FBXW7: variants seen among roughly 807,000 people sequenced by gnomAD.
FBXW7 encodes F-box and WD repeat domain containing 7, also known as F-box/WD repeat-containing protein 7.
Under a neutral mutation model 86.3 loss-of-function variants are expected in FBXW7, and 11 were observed. The ratio of observed to expected loss-of-function variants is 0.13; its 90% CI spans 0.08 to 0.21. FBXW7 has a LOEUF of 0.21. Among genes scored for constraint, FBXW7 ranks in the 10% least tolerant of loss-of-function variants. The pLI is 1.00. For synonymous variants in FBXW7, 313 were observed against 297.9 expected (o/e 1.05, Z -0.52); for missense variants, 488 against 847.4 (o/e 0.58, Z 5.27).
At chr4:152,476,971 T>C (rs1744457525) in intron 2 of FBXW7, among the ~76,000 whole-genome samples, 1 of 152,048 alleles carries the variant, frequency 6.6e-6, no homozygotes, top group Non-Finnish European at 1.5e-5. Flanking sequence ...ATTCCGCATC[T>C]GTTATGCAAT....
rs1332769655 is a variant in FBXW7, at chr4:152,346,980, T to C, written c.676A>G (p.Thr226Ala). ...NGQGQQRRRI[T>A]SVQPPTGLQE... ...AGGCCTGTAGGTGGCTGGACAGATG[T>C]AATTCGGCGTCGTTGTTGCCCTTGG... The change falls in exon 6 of 14, where the codon ACA becomes GCA. Residue 226 changes from threonine to alanine, a missense_variant. Around this residue, in one of 4 missense-constraint regions of FBXW7, gnomAD observed 59 missense variants for 137.9 expected, o/e 0.43. Coordinates refer to ENST00000281708, the MANE Select transcript of FBXW7 (RefSeq NM_001349798.2). 9 of 1,613,554 alleles carry C rather than the reference T, an allele frequency of 5.6e-6. No homozygotes were observed. Among genetic ancestry groups the C allele is most frequent in the South Asian group, 1.1e-5 (1 of 91,080 alleles).
At chr4:152,431,285 T>C (rs576377178) in intron 2 of FBXW7, among the ~76,000 whole-genome samples, 1 of 152,184 alleles carries the variant, frequency 6.6e-6, no homozygotes. Flanking sequence ...TTGCATTTCA[T>C]GAATCAGGGC....
chr4:152,522,755 C>T (rs76201259), intron 2 of FBXW7, among the ~76,000 whole-genome samples: 2,104 of 152,270 alleles, frequency 0.014, 26 homozygotes, highest in Middle Eastern at 0.037. Context: ...TCATTTACTT[C>T]GTTTAATACT....
At chr4:152,375,985 T>C (rs1301485054) in intron 4 of FBXW7, among the ~76,000 whole-genome samples, 1 of 152,096 alleles carries the variant, frequency 6.6e-6, no homozygotes. Flanking sequence ...TTATATACTT[T>C]TGAATACCTA....
At chr4:152,523,544 A>G (rs1749204866) in intron 2 of FBXW7, among the ~76,000 whole-genome samples, 1 of 152,106 alleles carries the variant, frequency 6.6e-6, no homozygotes, top group Non-Finnish European at 1.5e-5. Flanking sequence ...AGTTTTGGGG[A>G]CTGAAAGTTT....
chr4:152,481,358 G>A (rs1744858955), intron 2 of FBXW7, among the ~76,000 whole-genome samples: 1 of 152,290 alleles, frequency 6.6e-6, no homozygotes, highest in Non-Finnish European at 1.5e-5. Context: ...ATTGCTCACT[G>A]ACATTGCTCA....
chr4:152,335,879 T>C (rs749304886), intron 7 of FBXW7, among the ~76,000 whole-genome samples: 3 of 152,216 alleles, frequency 2.0e-5, no homozygotes, highest in Non-Finnish European at 4.4e-5. Flanking sequence ...TATTCACTTA[T>C]AAAGACAATG....
chr4:152,496,365 A>G (rs1746339266), intron 2 of FBXW7, among the ~76,000 whole-genome samples: 1 of 152,180 alleles, frequency 6.6e-6, no homozygotes, highest in South Asian at 2.1e-4. Flanking sequence ...AAACCTAAAA[A>G]AAAAAAATCT....
chr4:152,478,019 T>C (rs1295526666), intron 2 of FBXW7, among the ~76,000 whole-genome samples: 2 of 152,150 alleles, frequency 1.3e-5, no homozygotes, highest in Non-Finnish European at 1.5e-5. Flanking sequence ...TGAAAATATT[T>C]TTCACAAGTA....
intron 5 of FBXW7, 33 bp from the exon 6 acceptor site, chr4:152,347,104 A>G (rs200162479): frequency 7.8e-5 from 123 of 1,574,096 alleles, no homozygotes; most frequent in Non-Finnish European, 9.4e-5. Flanking sequence ...GAGAGAAAGG[A>G]TAAAAGGAAA....
intron 4 of FBXW7, among the ~76,000 whole-genome samples, chr4:152,397,170 A>G (rs1579088567): frequency 6.6e-6 from 1 of 152,066 alleles, no homozygotes. Flanking sequence ...CTTCACCAAA[A>G]GACAGTGTAA....
chr4:152,527,747 T>C (rs1024296181), intron 2 of FBXW7, among the ~76,000 whole-genome samples: 4 of 151,862 alleles, frequency 2.6e-5, no homozygotes, highest in Non-Finnish European at 5.9e-5. Context: ...ACCACTGCCC[T>C]CCAGCCTGGT....
At chr4:152,378,724 C>T (rs569039964) in intron 4 of FBXW7, among the ~76,000 whole-genome samples, 6 of 152,148 alleles carry the variant, frequency 3.9e-5, no homozygotes, top group Non-Finnish European at 7.4e-5. Flanking sequence ...CTTATTATGC[C>T]GGGCATGGTG....
intron 2 of FBXW7, among the ~76,000 whole-genome samples, chr4:152,525,627 T>C (rs753748923): frequency 1.3e-5 from 2 of 152,208 alleles, no homozygotes; most frequent in African/African-American, 2.4e-5. Context: ...ACAAAAGACA[T>C]GATCTCCTTC....
At chr4:152,326,337 T>C in intron 11 of FBXW7, 106 bp from the exon 12 acceptor site, 2 of 451,494 alleles carry the variant, frequency 4.4e-6, no homozygotes, top group Non-Finnish European at 6.9e-6. Context: ...TTTTTAGCTT[T>C]TTTTTTTTTT....
intron 4 of FBXW7, among the ~76,000 whole-genome samples, chr4:152,391,105 A>G (rs1735958358): frequency 6.6e-6 from 1 of 152,084 alleles, no homozygotes; most frequent in African/African-American, 2.4e-5. Context: ...TAAACATAGT[A>G]CCATACTTCA....
At chr4:152,425,096 CTT>C (rs1050174785) in intron 2 of FBXW7, among the ~76,000 whole-genome samples, 94 of 152,362 alleles carry the variant, frequency 6.2e-4, no homozygotes, top group African/African-American at 2.0e-3. Context: ...ATGCTCCACT[CTT>C]GTCTACCTGA....
chr4:152,382,623 C>A (rs1579054059), intron 4 of FBXW7: 2 of 386,124 alleles, frequency 5.2e-6, no homozygotes, highest in East Asian at 1.4e-4. Flanking sequence ...CATACAAAGT[C>A]AGTAATGTGA....
intron 2 of FBXW7, among the ~76,000 whole-genome samples, chr4:152,446,049 G>A (rs569803232): frequency 1.3e-5 from 2 of 151,594 alleles, no homozygotes; most frequent in South Asian, 2.1e-4. Flanking sequence ...TTATCTAATA[G>A]GCCATACAGG....
Sources: gnomAD v4.1 joint callset for allele counts (sites outside exome capture counted in the v4.1 genomes callset) on GRCh38, gnomAD v4.1.1 for gene constraint, gnomAD v4.1.1 regional missense constraint, MANE v1.5 for transcripts, NCBI Gene and HGNC (gene_info 2026-07-23, HGNC 2026-07-21) for gene names.